Variants in METTL15 observed in about 807,000 individuals in gnomAD.
The protein encoded by METTL15 is methyltransferase 15, mitochondrial 12S rRNA N4-cytidine.
In METTL15, 34 loss-of-function variants were observed where a neutral mutation model predicts 38.3. The observed-to-expected ratio is 0.89, with a 90% confidence interval of 0.68 to 1.18. The LOEUF is 1.18. Among genes scored for constraint, METTL15 ranks in the 50% most tolerant of loss-of-function variants. METTL15 has a pLI of 0.00. For missense variants in METTL15, 438 were observed against 498.4 expected, an observed-to-expected ratio of 0.88 and a Z score of 1.15; for synonymous variants, 162 against 170.9, an observed-to-expected ratio of 0.95 and a Z score of 0.41.
chr11:28,129,444 C>G (rs1852658151), intron 3 of METTL15, among the ~76,000 whole-genome samples: 1 of 149,432 alleles, frequency 6.7e-6, no homozygotes, highest in South Asian at 2.1e-4. Flanking sequence ...GAGTCTTGCT[C>G]TCTTGCCTAG....
Position 28,113,414 on chromosome 11 carries a change from G to T in METTL15, c.80G>T (p.Gly27Val), listed in dbSNP as rs747590275. 1.9e-6 allele frequency: 3 copies of T among 1,595,408 alleles called. No homozygotes were observed. The highest frequency in any genetic ancestry group is 2.6e-6 in the Non-Finnish European group (3 of 1,170,382). Residue 27 changes from glycine (G) to valine (V), a missense_variant, in exon 3 of 7, where the codon GGT (glycine) becomes GTT (valine). Physicochemically the swap from Gly to Val is moderately radical, Grantham distance 109 (BLOSUM62 -3). Transcript: ENST00000407364. ...CWLESGIPNL[G>V]VWPNRIHTTA... The stretch of plus-strand genomic sequence containing the variant: ...TTGGAATCTGGCATACCTAATTTAG[G>T]TGTCTGGCCAAACAGAATACATACT...
At chr11:28,255,928 C>T (rs1854954250) in intron 4 of METTL15, among the ~76,000 whole-genome samples, 1 of 152,184 alleles carries the variant, frequency 6.6e-6, no homozygotes, top group African/African-American at 2.4e-5. Context: ...GTCTCGAACT[C>T]CCAACCTCAG....
At chr11:28,384,320 T>C (rs955573188) in intron 5 of METTL15, among the ~76,000 whole-genome samples, 2 of 151,874 alleles carry the variant, frequency 1.3e-5, no homozygotes, top group South Asian at 2.1e-4. Flanking sequence ...CTTTCTTTTT[T>C]TTTTTTGAGA....
chr11:28,287,411 C>A, intron 4 of METTL15: 1 of 411,914 alleles, frequency 2.4e-6, no homozygotes, highest in East Asian at 8.7e-5. Context: ...CTGATCACTC[C>A]ACACTTGTTT....
chr11:28,253,472 T>G (rs1027062662), intron 4 of METTL15, among the ~76,000 whole-genome samples: 1 of 152,200 alleles, frequency 6.6e-6, no homozygotes, highest in Non-Finnish European at 1.5e-5. Flanking sequence ...AATTGTACTC[T>G]TTAAGTTATT....
At chr11:28,335,376 T>G (rs1849892243), downstream of METTL15, among the ~76,000 whole-genome samples, 1 of 152,358 alleles carries the variant, frequency 6.6e-6, no homozygotes, top group South Asian at 2.1e-4. Context: ...TTGGACATCC[T>G]ATTTAATCTC....
chr11:28,234,954 C>A (rs948016382), intron 4 of METTL15, among the ~76,000 whole-genome samples: 11 of 151,014 alleles, frequency 7.3e-5, no homozygotes, highest in African/African-American at 1.7e-4. Context: ...ACGTTTAAAT[C>A]TTTAATCCAT....
At chr11:28,375,407 G>A (rs1181298614) in intron 5 of METTL15, among the ~76,000 whole-genome samples, 1 of 152,000 alleles carries the variant, frequency 6.6e-6, no homozygotes, top group Non-Finnish European at 1.5e-5. Context: ...TAGTGTATGT[G>A]TCGAGGAATT....
chr11:28,244,671 A>G (rs1390751470), intron 4 of METTL15, among the ~76,000 whole-genome samples: 1 of 152,204 alleles, frequency 6.6e-6, no homozygotes, highest in Non-Finnish European at 1.5e-5. Context: ...TAGGAAAAGT[A>G]TTAGCAAGTG....
At chr11:28,515,146 A>G (rs1228164420) in intron 6 of METTL15, among the ~76,000 whole-genome samples, 3 of 152,196 alleles carry the variant, frequency 2.0e-5, no homozygotes, top group Non-Finnish European at 4.4e-5. Flanking sequence ...AAAGGAGGAA[A>G]AGCATAAGAA....
At chr11:28,223,870 G>A (rs144234770) in intron 4 of METTL15, among the ~76,000 whole-genome samples, 5 of 152,150 alleles carry the variant, frequency 3.3e-5, no homozygotes, top group South Asian at 2.1e-4. Flanking sequence ...ACTTTTTAAC[G>A]TAGTGGAAGA....
chr11:28,154,996 T>G (rs780525431), intron 3 of METTL15, among the ~76,000 whole-genome samples: 4 of 152,100 alleles, frequency 2.6e-5, no homozygotes, highest in Non-Finnish European at 5.9e-5. Flanking sequence ...CTACAAAAGA[T>G]AGAAGTTTCT....
Position 28,201,628 on chromosome 11 carries a change from G to A in METTL15, c.271-9434G>A, listed in dbSNP as rs1473061738. Among the ~76,000 whole-genome samples the A allele has an allele frequency of 9.2e-3, 7 of 758 alleles. No homozygotes were observed. In the East Asian group the frequency reaches 0.18, roughly 20 times the overall value. 0.5% of individuals were successfully genotyped at this position (758 alleles called of 152,430 possible). A position where few individuals can be genotyped will look rare whatever the true frequency, so the allele number is the denominator to read the frequency against. ...TTGGGAGGGTGTGTGTGTGTGTCCA[G>A]GAATTTATCCATTTCTTCTACATTT... On this transcript the variant is annotated intron_variant, in intron 3 of 6. Transcript: ENST00000407364.
chr11:28,311,354 T>G (rs1253754579), intron 6 of METTL15, among the ~76,000 whole-genome samples: 1 of 152,212 alleles, frequency 6.6e-6, no homozygotes, highest in Non-Finnish European at 1.5e-5. Context: ...ACTTTCAAGA[T>G]TCAGTTCATA....
intron 5 of METTL15, among the ~76,000 whole-genome samples, chr11:28,386,941 A>C (rs1262634660): frequency 1.3e-5 from 2 of 151,998 alleles, no homozygotes; most frequent in African/African-American, 4.8e-5. Flanking sequence ...AAAATTAAGA[A>C]CACTATTGAA....
intron 5 of METTL15, among the ~76,000 whole-genome samples, chr11:28,375,309 G>C (rs1234624868): frequency 6.7e-6 from 1 of 149,736 alleles, no homozygotes; most frequent in Non-Finnish European, 1.5e-5. Flanking sequence ...ACTCTTTTTG[G>C]TTGGTAAGCT....
chr11:28,520,306 C>T (rs1358856921), intron 6 of METTL15, among the ~76,000 whole-genome samples: 1 of 152,046 alleles, frequency 6.6e-6, no homozygotes, highest in Non-Finnish European at 1.5e-5. Flanking sequence ...AGCCACTGCA[C>T]TCCAGCCTGA....
intron 4 of METTL15, among the ~76,000 whole-genome samples, chr11:28,237,609 G>A (rs1487310798): frequency 1.3e-5 from 2 of 152,186 alleles, no homozygotes; most frequent in Non-Finnish European, 2.9e-5. Context: ...ACTCGTCAAA[G>A]TCATTCTCCG....
At chr11:28,210,188 C>G (rs1039058871) in intron 3 of METTL15, among the ~76,000 whole-genome samples, 3 of 151,944 alleles carry the variant, frequency 2.0e-5, no homozygotes, top group African/African-American at 7.2e-5. Flanking sequence ...ATTAACCATA[C>G]TGTATATCTG....
Sources: gnomAD v4.1 joint callset for allele counts (sites outside exome capture counted in the v4.1 genomes callset) on GRCh38, gnomAD v4.1.1 for gene constraint, MANE v1.5 for transcripts, NCBI Gene and HGNC (gene_info 2026-07-23, HGNC 2026-07-21) for gene names.